The following SGCZ variants were observed in gnomAD, a reference collection of about 807,000 sequenced individuals.
SGCZ encodes the protein zeta-sarcoglycan.
SGCZ carries 40 observed loss-of-function variants against 41.3 expected under a neutral mutation model. The ratio of observed to expected loss-of-function variants is 0.97; its 90% CI spans 0.75 to 1.26. SGCZ has a LOEUF of 1.26. Among genes scored for constraint, SGCZ ranks in the 50% most tolerant of loss-of-function variants. SGCZ has a pLI of 0.00. For synonymous variants in SGCZ, 206 were observed against 137.5 expected, an observed-to-expected ratio of 1.50 and a Z score of -3.49; for missense variants, 552 against 369.8, an observed-to-expected ratio of 1.49 and a Z score of -4.04.
At chr8:14,828,811 G>A (rs1802427671) in intron 1 of SGCZ, among the ~76,000 whole-genome samples, 1 of 152,090 alleles carries the variant, frequency 6.6e-6, no homozygotes, top group Non-Finnish European at 1.5e-5. Flanking sequence ...GCCCATGCCC[G>A]AGAACATTTC....
intron 4 of SGCZ, among the ~76,000 whole-genome samples, chr8:14,217,740 C>T (rs1323811376): frequency 6.7e-6 from 1 of 148,464 alleles, no homozygotes; most frequent in Admixed American, 6.9e-5. Flanking sequence ...AGCAATTCTC[C>T]TGCCTCAGCC....
chr8:14,476,836 G>A (rs138662373), intron 2 of SGCZ, among the ~76,000 whole-genome samples: 1 of 152,240 alleles, frequency 6.6e-6, no homozygotes, highest in East Asian at 1.9e-4. Context: ...GTGCTTCATT[G>A]TCTTAGACAA....
At chr8:14,628,440 T>C (rs1806535588) in intron 1 of SGCZ, among the ~76,000 whole-genome samples, 1 of 151,996 alleles carries the variant, frequency 6.6e-6, no homozygotes, top group Admixed American at 6.6e-5. Context: ...GAAAGCTTCT[T>C]AGAAATAGAA....
At chr8:14,522,019 A>C (rs1802805769) in intron 2 of SGCZ, among the ~76,000 whole-genome samples, 1 of 152,126 alleles carries the variant, frequency 6.6e-6, no homozygotes, top group Admixed American at 6.6e-5. Context: ...TTTCACAAAT[A>C]TGATCAAGCG....
In SGCZ at chr8:14,085,043, T is replaced by C. The variant is rs531629010; in HGVS notation, c.*5400A>G. Among the ~76,000 whole-genome samples the C allele has an allele frequency of 6.6e-6, 1 of 151,822 alleles. No homozygotes were observed. The highest frequency in any genetic ancestry group is 6.6e-5 in the Admixed American group (1 of 15,194). ...GCTGCATTTTCTCTCCCCCAAAATA[T>C]ACCCCAATTAAGTTCCATCTAAACA... On this transcript the variant is annotated 3_prime_UTR_variant, in exon 8 of 8. Coordinates refer to ENST00000382080, the MANE Select transcript of SGCZ (RefSeq NM_139167.4).
At chr8:15,213,071 T>A (rs200050555) in intron 1 of SGCZ, among the ~76,000 whole-genome samples, 2 of 152,036 alleles carry the variant, frequency 1.3e-5, no homozygotes, top group Middle Eastern at 3.2e-3. Flanking sequence ...ATTTTCACTC[T>A]TGAGGGGCGA....
chr8:14,793,783 C>T (rs1406018555), intron 1 of SGCZ, among the ~76,000 whole-genome samples: 1 of 152,176 alleles, frequency 6.6e-6, no homozygotes, highest in Non-Finnish European at 1.5e-5. Flanking sequence ...TGGTTGTCTA[C>T]TTCTCTTTCA....
intron 1 of SGCZ, among the ~76,000 whole-genome samples, chr8:14,808,060 C>T (rs2130526851): frequency 6.6e-6 from 1 of 152,140 alleles, no homozygotes; most frequent in African/African-American, 2.4e-5. Context: ...CCCTTCCTTA[C>T]ACCTTATACA....
chr8:14,744,784 A>C (rs1371538953), intron 1 of SGCZ, among the ~76,000 whole-genome samples: 1 of 152,184 alleles, frequency 6.6e-6, no homozygotes, highest in African/African-American at 2.4e-5. Context: ...TCATTTATTC[A>C]TTCCACATGG....
intron 4 of SGCZ, among the ~76,000 whole-genome samples, chr8:14,220,328 A>G (rs184569137): frequency 2.4e-4 from 37 of 152,268 alleles, no homozygotes; most frequent in Admixed American, 1.3e-4. Flanking sequence ...ATATTACGAG[A>G]AAAAAAGTCA....
At chr8:14,472,798 C>G (rs1801250269) in intron 2 of SGCZ, among the ~76,000 whole-genome samples, 1 of 151,926 alleles carries the variant, frequency 6.6e-6, no homozygotes, top group African/African-American at 2.4e-5. Flanking sequence ...AATATTGTAC[C>G]TATAAATAAC....
chr8:14,884,460 G>A (rs1016036757), intron 1 of SGCZ, among the ~76,000 whole-genome samples: 2 of 151,818 alleles, frequency 1.3e-5, no homozygotes, highest in Admixed American at 1.3e-4. Flanking sequence ...CTCATTCTTA[G>A]ACATTGCCCT....
At chr8:14,697,954 T>C (rs1042544685) in intron 1 of SGCZ, among the ~76,000 whole-genome samples, 20 of 152,162 alleles carry the variant, frequency 1.3e-4, no homozygotes, top group African/African-American at 4.1e-4. Context: ...TTCAAACATA[T>C]GTTTCAACCA....
chr8:14,172,344 C>T (rs767279223), intron 4 of SGCZ, among the ~76,000 whole-genome samples: 2 of 152,126 alleles, frequency 1.3e-5, no homozygotes, highest in Non-Finnish European at 2.9e-5. Context: ...CAACTCAGCA[C>T]TGCCTCACCT....
chr8:14,596,672 C>T (rs1206975284), intron 1 of SGCZ, among the ~76,000 whole-genome samples: 3 of 151,716 alleles, frequency 2.0e-5, no homozygotes, highest in East Asian at 1.9e-4. Flanking sequence ...GGGTCTCTCA[C>T]GGGGTGGGGG....
intron 1 of SGCZ, among the ~76,000 whole-genome samples, chr8:15,165,998 T>C (rs1205939999): frequency 6.6e-6 from 1 of 152,232 alleles, no homozygotes; most frequent in Non-Finnish European, 1.5e-5. Flanking sequence ...TGAGTTATCA[T>C]TTTGGCAAAA....
rs117254492 is a variant in SGCZ, at chr8:14,743,862, C to T, written c.40-188936G>A. ...AAACTATGAAGATAGAAAATAATGA[C>T]ACAGTGAAATTCAATGATAGATTAA... On this transcript the variant is annotated intron_variant, in intron 1 of 7. Transcript: ENST00000382080. Among the ~76,000 whole-genome samples, 18 of 152,230 alleles carry T rather than the reference C, an allele frequency of 1.2e-4. No homozygotes were observed. In the East Asian group the frequency reaches 3.3e-3, roughly 28 times the overall value.
At chr8:14,887,861 G>C (rs1457007610) in intron 1 of SGCZ, among the ~76,000 whole-genome samples, 4 of 152,094 alleles carry the variant, frequency 2.6e-5, no homozygotes, top group Admixed American at 1.3e-4. Context: ...AGTTGCAAAA[G>C]ACAGAATTTC....
chr8:15,109,279 C>T (rs1806952977), intron 1 of SGCZ, among the ~76,000 whole-genome samples: 3 of 152,050 alleles, frequency 2.0e-5, no homozygotes, highest in African/African-American at 7.2e-5. Context: ...TTATTTTCTG[C>T]TAATGAATCA....
Sources: gnomAD v4.1 joint callset for allele counts (sites outside exome capture counted in the v4.1 genomes callset) on GRCh38, gnomAD v4.1.1 for gene constraint, MANE v1.5 for transcripts, NCBI Gene and HGNC (gene_info 2026-07-23, HGNC 2026-07-21) for gene names.